Variants in CDK5RAP2 observed in about 807,000 individuals in gnomAD.
CDK5RAP2 encodes CDK5 regulatory subunit-associated protein 2.
In CDK5RAP2, 147 loss-of-function variants were observed where a neutral mutation model predicts 232.9. The ratio of observed to expected loss-of-function variants is 0.63; its 90% CI spans 0.55 to 0.72. The LOEUF (loss-of-function observed/expected upper bound fraction) is 0.72, where lower values mean the gene tolerates loss of function less well. Among genes scored for constraint, CDK5RAP2 ranks in the 30% least tolerant of loss-of-function variants. CDK5RAP2 has a pLI of 0.00. For missense variants in CDK5RAP2, 2,195 were observed against 2,231.5 expected (o/e 0.98, Z 0.33); for synonymous variants, 833 against 833.7 (o/e 1.00, Z 0.01).
chr9:120,576,276 G>C (rs576952530), intron 1 of CDK5RAP2, among the ~76,000 whole-genome samples: 1 of 152,304 alleles, frequency 6.6e-6, no homozygotes, highest in East Asian at 1.9e-4. Context: ...TGGAATTGCT[G>C]GGTCAAAATA....
intron 12 of CDK5RAP2, among the ~76,000 whole-genome samples, chr9:120,494,525 A>T (rs1370629328): frequency 6.6e-6 from 1 of 152,180 alleles, no homozygotes; most frequent in Non-Finnish European, 1.5e-5. Flanking sequence ...GGTCAATCTG[A>T]ACAATAAAAT....
intron 26 of CDK5RAP2, among the ~76,000 whole-genome samples, chr9:120,421,157 C>T (rs376680467): frequency 1.1e-4 from 16 of 152,302 alleles, no homozygotes; most frequent in African/African-American, 3.6e-4. Context: ...CAGCCTGCCT[C>T]TCCAGCTTTG....
intron 14 of CDK5RAP2, among the ~76,000 whole-genome samples, chr9:120,485,502 C>T (rs1588458571): frequency 6.6e-6 from 1 of 152,070 alleles, no homozygotes; most frequent in Non-Finnish European, 1.5e-5. Flanking sequence ...ACCATATTGG[C>T]CAGGGTGGTC....
At chr9:120,496,784 T>G (rs1169318453) in intron 12 of CDK5RAP2, among the ~76,000 whole-genome samples, 45 of 48,332 alleles carry the variant, frequency 9.3e-4, no homozygotes, top group South Asian at 8.7e-3. Flanking sequence ...AGGAGGGAGG[T>G]GGGGGGGGTC....
intron 25 of CDK5RAP2, among the ~76,000 whole-genome samples, chr9:120,428,763 C>T (rs1470938073): frequency 2.0e-5 from 3 of 152,076 alleles, no homozygotes; most frequent in Admixed American, 6.6e-5. Context: ...TTTATGAGGC[C>T]AGCATCATCC....
intron 12 of CDK5RAP2, among the ~76,000 whole-genome samples, chr9:120,511,747 T>C (rs1167813492): frequency 2.0e-5 from 3 of 148,560 alleles, no homozygotes; most frequent in African/African-American, 5.0e-5. Flanking sequence ...TTTTTTTTTT[T>C]TTTTTTTTTT....
chr9:120,416,317 C>T (rs868467836), intron 27 of CDK5RAP2, among the ~76,000 whole-genome samples: 1 of 152,206 alleles, frequency 6.6e-6, no homozygotes, highest in South Asian at 2.1e-4. Context: ...CCTCACCCGC[C>T]TCCTGGGGTT....
At chr9:120,568,569 A>G (rs2042732203) in intron 2 of CDK5RAP2, among the ~76,000 whole-genome samples, 181 bp from the exon 3 acceptor site, 2 of 152,344 alleles carry the variant, frequency 1.3e-5, no homozygotes, top group South Asian at 4.2e-4. Context: ...CCATTAATTT[A>G]CAAATTACTT....
chr9:120,416,315 G>A (rs896878650), intron 27 of CDK5RAP2, among the ~76,000 whole-genome samples: 3 of 152,138 alleles, frequency 2.0e-5, no homozygotes, highest in Admixed American at 6.5e-5. Context: ...TCCCTCACCC[G>A]CCTCCTGGGG....
intron 20 of CDK5RAP2, among the ~76,000 whole-genome samples, chr9:120,454,620 C>A (rs965999704): frequency 6.6e-6 from 1 of 152,208 alleles, no homozygotes; most frequent in Non-Finnish European, 1.5e-5. Context: ...TAGACATAGT[C>A]CCACCTCAAA....
intron 21 of CDK5RAP2, among the ~76,000 whole-genome samples, chr9:120,452,041 C>G (rs2036506690): frequency 6.6e-6 from 1 of 151,786 alleles, no homozygotes; most frequent in Admixed American, 6.6e-5. Context: ...TAAGTCCATT[C>G]AATTCTCCAG....
At chr9:120,486,241 G>T (rs563799995) in intron 14 of CDK5RAP2, among the ~76,000 whole-genome samples, 134 of 152,034 alleles carry the variant, frequency 8.8e-4, no homozygotes, top group Non-Finnish European at 1.6e-3. Flanking sequence ...TAGTGCCCGA[G>T]TCTTTTCTGA....
intron 1 of CDK5RAP2, among the ~76,000 whole-genome samples, chr9:120,577,045 A>G (rs1179913665): frequency 2.6e-5 from 4 of 152,184 alleles, no homozygotes; most frequent in African/African-American, 4.8e-5. Context: ...TTCTACTTAT[A>G]CGCGACACTT....
chr9:120,534,950 G>T (rs994155484), intron 7 of CDK5RAP2, among the ~76,000 whole-genome samples: 1 of 152,216 alleles, frequency 6.6e-6, no homozygotes, highest in South Asian at 2.1e-4. Flanking sequence ...GTGGCTCCAT[G>T]GGTGATGCCT....
chr9:120,440,246 C>CCA lies in CDK5RAP2; in HGVS notation c.3149-276_3149-275dup, dbSNP rs1338610465. The CCA allele has an allele frequency of 1.7e-5, 8 of 481,482 alleles. No homozygotes were observed. In the East Asian group the frequency reaches 1.9e-4, roughly 12 times the overall value. The allele number at this position is 481,482 out of a possible 1,614,324, so 29.8% of individuals were successfully genotyped here. A position where few individuals can be genotyped will look rare whatever the true frequency, so the allele number is the denominator to read the frequency against. On this transcript the variant is annotated intron_variant, in intron 23 of 37. Transcript: ENST00000349780. ...AAAAGTAATTTTAACCATGATAAACCCACACACACACCCCCTAAAATTCAT... is the reference window on the plus strand; with the variant it reads ...AAAAGTAATTTTAACCATGATAAACCCACACACACACACCCCCTAAAATTCAT...
In CDK5RAP2 at chr9:120,443,620, C is replaced by A; in HGVS notation, c.3148G>T (p.Asp1050Tyr). The part of the protein sequence containing the change: ...DSDQQRSYEI[D>Y]SEICPPDDLA... ...ATACACACAGGGGCTGAATTCTGACCAATCTCGTAGCTTCTTTGCTGATCA... is the reference window on the plus strand; with the variant it reads ...ATACACACAGGGGCTGAATTCTGACAAATCTCGTAGCTTCTTTGCTGATCA... Residue 1050 changes from aspartate (D) to tyrosine (Y), a missense_variant and splice_region_variant, in exon 23 of 38, where the codon GAC becomes TAC. By Grantham distance (160) the Asp-to-Tyr change is radical. Transcript: ENST00000349780. 1 of 1,614,116 alleles carries A rather than the reference C, an allele frequency of 6.2e-7. No individual in the cohort carries two copies. Among genetic ancestry groups the A allele is most frequent in the Non-Finnish European group, 8.5e-7 (1 of 1,179,986 alleles).
At chr9:120,406,221 A>G (rs1239991921) in intron 32 of CDK5RAP2, 1 of 152,224 alleles carries the variant, frequency 6.6e-6, no homozygotes, top group Non-Finnish European at 1.5e-5. Context: ...GCAGGCTGGC[A>G]TTCCTCATCC....
At chr9:120,453,195 C>A (rs2131402387) in intron 21 of CDK5RAP2, among the ~76,000 whole-genome samples, 1 of 151,994 alleles carries the variant, frequency 6.6e-6, no homozygotes. Context: ...CTAAGGAAAA[C>A]ACATAAATGT....
chr9:120,548,576 G>A lies in CDK5RAP2; in HGVS notation c.306+2216C>T, dbSNP rs1003759585. Among the ~76,000 whole-genome samples the A allele has an allele frequency of 2.0e-5, 3 of 152,340 alleles. No homozygotes were observed. In the South Asian group the frequency reaches 6.2e-4, roughly 32 times the overall value. ...AGTCCCAACACTTTGGGAAGCCAAG[G>A]CAGGAGGATGGTTTGAGGCTAGAAG... On this transcript the variant is annotated intron_variant, in intron 4 of 37. Coordinates refer to ENST00000349780, the MANE Select transcript of CDK5RAP2 (RefSeq NM_018249.6).
Sources: allele counts gnomAD v4.1 joint callset (sites outside exome capture counted in the v4.1 genomes callset), GRCh38; gene constraint gnomAD v4.1.1; transcripts MANE v1.5; gene names NCBI Gene and HGNC (gene_info 2026-07-23, HGNC 2026-07-21).